MTMR14: variants seen among roughly 807,000 people sequenced by gnomAD.
MTMR14 encodes myotubularin related protein 14, also known as phosphatidylinositol-3,5-bisphosphate 3-phosphatase MTMR14.
In MTMR14, 48 loss-of-function variants were observed where a neutral mutation model predicts 86.3. The ratio of observed to expected loss-of-function variants is 0.56; its 90% confidence interval spans 0.44 to 0.71. The LOEUF is 0.71. Ranked by LOEUF, MTMR14 falls within the 30% of genes least tolerant of loss-of-function variation. MTMR14 has a pLI of 0.00. For missense variants in MTMR14, 780 were observed against 834.6 expected, an observed-to-expected ratio of 0.93 and a Z score of 0.81; for synonymous variants, 366 against 326.1, an observed-to-expected ratio of 1.12 and a Z score of -1.32.
chr3:9,670,998 C>T, intron 5 of MTMR14, 50 bp from the exon 6 acceptor site: 2 of 1,613,240 alleles, frequency 1.2e-6, no homozygotes, highest in African/African-American at 1.3e-5. Context: ...CCCCCAAGCT[C>T]CTGTGAGTGA....
chr3:9,667,604 A>G (rs935930687), intron 3 of MTMR14, among the ~76,000 whole-genome samples: 14 of 152,136 alleles, frequency 9.2e-5, no homozygotes, highest in Non-Finnish European at 1.5e-5. Context: ...CAGCCTCTCC[A>G]CAAACCAGCT....
chr3:9,662,128 T>C (rs376262978), intron 2 of MTMR14, 139 bp from the exon 3 acceptor site: 10 of 698,838 alleles, frequency 1.4e-5, no homozygotes, highest in South Asian at 4.6e-5. Context: ...ATAGATGATA[T>C]AAAATTTAGG....
chr3:9,699,493 C>T (rs1272708657), intron 18 of MTMR14: 1 of 152,262 alleles, frequency 6.6e-6, no homozygotes, highest in Admixed American at 6.5e-5. Flanking sequence ...AGCCGTGCAG[C>T]ATGTGGGTTC....
In MTMR14 at chr3:9,650,324, C is replaced by G. The variant is rs1488429556; in HGVS notation, c.159+582C>G. The stretch of plus-strand genomic sequence containing the variant: ...TTTTTGCTCCCTTTGGGATTTCCAC[C>G]CAGTCGTCTTATCGCCAGACCTGGA... On this transcript the variant is annotated intron_variant, in intron 1 of 18. Coordinates refer to ENST00000296003, the MANE Select transcript of MTMR14 (RefSeq NM_001077525.3). 3 of 456,706 alleles carry G rather than the reference C, an allele frequency of 6.6e-6. No homozygotes were observed. The Admixed American group carries it at 7.0e-5, about 11-fold the overall frequency. The allele number at this position is 456,706 out of a possible 1,614,324, so 28.3% of individuals were successfully genotyped here. A position where few individuals can be genotyped will look rare whatever the true frequency, so the allele number is the denominator to read the frequency against.
Position 9,688,956 on chromosome 3 carries a change from G to T in MTMR14, c.1307G>T (p.Arg436Leu). The change falls in exon 16 of 19, where the codon CGT becomes CTT. Residue 436 changes from arginine to leucine, a missense_variant. Arg to Leu is a moderately radical substitution (Grantham distance 102). Coordinates refer to ENST00000296003, the MANE Select transcript of MTMR14 (RefSeq NM_001077525.3). ...TGGCTTCTTTTAGGACGAAAGGACC[G>T]TGGCAGCACCACCAGCCTTGGCAGC... is the stretch of plus-strand genomic sequence containing the variant. ...EDICMLRRKD[R>L]GSTTSLGSDF... 6.2e-7 allele frequency: 1 copy of T among 1,614,028 alleles called. No individual in the cohort carries two copies. The highest frequency in any genetic ancestry group is 8.5e-7 in the Non-Finnish European group (1 of 1,180,026).
At chr3:9,663,501 CTTTT>C (rs4021721) in intron 3 of MTMR14, among the ~76,000 whole-genome samples, 13 of 69,966 alleles carry the variant, frequency 1.9e-4, no homozygotes, top group East Asian at 5.1e-4. Context: ...GAGTCTCTCT[CTTTT>C]TTTTTTTTTT....
intron 10 of MTMR14, among the ~76,000 whole-genome samples, 180 bp from the exon 11 acceptor site, chr3:9,684,405 G>A (rs1046112287): frequency 6.6e-6 from 1 of 152,150 alleles, no homozygotes; most frequent in African/African-American, 2.4e-5. Context: ...TACAAAGCCA[G>A]ACGCCTGCCA....
intron 17 of MTMR14, among the ~76,000 whole-genome samples, chr3:9,692,286 A>G (rs544411650): frequency 6.6e-6 from 1 of 152,340 alleles, no homozygotes; most frequent in South Asian, 2.1e-4. Flanking sequence ...CATGGAATGA[A>G]TCTGTGAAGC....
At chr3:9,664,482 C>T (rs1308314475) in intron 3 of MTMR14, among the ~76,000 whole-genome samples, 1 of 151,876 alleles carries the variant, frequency 6.6e-6, no homozygotes, top group East Asian at 1.9e-4. Context: ...TTAAGAAATG[C>T]TTGCTTCCAC....
chr3:9,696,856 G>A (rs12629400), intron 17 of MTMR14, among the ~76,000 whole-genome samples: 2,923 of 152,300 alleles, frequency 0.019, 102 homozygotes, highest in East Asian at 0.14. Context: ...ATGTCCTGGG[G>A]ACTGGGACCT....
At chr3:9,650,570 A>G (rs2124884472) in intron 1 of MTMR14, 1 of 328,642 alleles carries the variant, frequency 3.0e-6, no homozygotes, top group Non-Finnish European at 6.2e-6. Context: ...TAGTCTCTGA[A>G]GTAACCCAGG....
intron 9 of MTMR14, among the ~76,000 whole-genome samples, chr3:9,680,595 C>T (rs1428880910): frequency 6.6e-6 from 1 of 152,208 alleles, no homozygotes; most frequent in African/African-American, 2.4e-5. Flanking sequence ...CCTGTAATCC[C>T]AGCACTTTAG....
At position 9,662,372 on chromosome 3, in the gene MTMR14, C is replaced by G. The variant is rs1284944518; in HGVS notation, c.414C>G (p.Gly138=). The change falls in exon 3 of 19, where the codon GGC becomes GGG. Residue 138 remains glycine (G), a synonymous_variant. Transcript: ENST00000296003. ...RFVCPVILFK[G]KHICRSATLA... ...TCTGCCCAGTAATCCTGTTCAAGGG[C>G]AAGGTAAGGCCCATACCATAGCTTC... 3.7e-6 allele frequency: 6 copies of G among 1,611,952 alleles called. No homozygotes were observed. The highest frequency in any genetic ancestry group is 5.1e-6 in the Non-Finnish European group (6 of 1,178,704).
chr3:9,657,375 G>C (rs3868891), intron 2 of MTMR14, among the ~76,000 whole-genome samples: 29,614 of 152,084 alleles, frequency 0.19, 4,977 homozygotes, highest in African/African-American at 0.46. Context: ...ATTGAGAAAC[G>C]TAGTGGTGGT....
chr3:9,666,920 G>C (rs2048285369), intron 3 of MTMR14, among the ~76,000 whole-genome samples: 1 of 152,242 alleles, frequency 6.6e-6, no homozygotes, highest in African/African-American at 2.4e-5. Flanking sequence ...TGTCTATCAA[G>C]AGGGGTCAGC....
chr3:9,683,195 A>G lies in MTMR14; in HGVS notation c.915A>G (p.Gln305=), dbSNP rs201541678. The G allele has an allele frequency of 1.0e-4, 163 of 1,614,102 alleles. No individual in the cohort carries two copies. The highest frequency in any genetic ancestry group is 1.3e-4 in the Non-Finnish European group (156 of 1,180,034). Residue 305 remains glutamine (Q), a synonymous_variant, in exon 10 of 19, where the codon CAA becomes CAG. Transcript: ENST00000296003. ...WSQYQCWDLV[Q]QTQNYLKLLL... ...TCCAACAGTGTTGGGATCTGGTGCA[A>G]CAAACACAAAACTACCTGAAGCTGC...
At chr3:9,688,884 G>T in intron 15 of MTMR14, 60 bp from the exon 16 acceptor site, 1 of 1,611,454 alleles carries the variant, frequency 6.2e-7, no homozygotes, top group South Asian at 1.1e-5. Context: ...GTATAGAAAA[G>T]GTGGGGGACC....
chr3:9,694,026 A>G (rs926932486), intron 17 of MTMR14, among the ~76,000 whole-genome samples: 1 of 152,200 alleles, frequency 6.6e-6, no homozygotes, highest in African/African-American at 2.4e-5. Context: ...AGCACCTCCC[A>G]GGATGACACG....
chr3:9,685,312 G>C, intron 13 of MTMR14, 65 bp downstream of exon 13: 1 of 1,596,050 alleles, frequency 6.3e-7, no homozygotes, highest in Admixed American at 1.7e-5. Flanking sequence ...TGGGTAGCCT[G>C]TCTGAGTTCC....
Sources: gnomAD v4.1 joint callset for allele counts (sites outside exome capture counted in the v4.1 genomes callset) on GRCh38, gnomAD v4.1.1 for gene constraint, MANE v1.5 for transcripts, NCBI Gene and HGNC (gene_info 2026-07-23, HGNC 2026-07-21) for gene names.